Variants in CSMD1 observed in about 807,000 individuals in gnomAD.
The protein encoded by CSMD1 is CUB and Sushi multiple domains 1.
A neutral mutation model predicts 417.5 loss-of-function variants in CSMD1; 213 were observed. That is an observed-to-expected ratio of 0.51 (90% CI 0.46 to 0.57). The LOEUF (loss-of-function observed/expected upper bound fraction) is 0.57, where lower values mean the gene tolerates loss of function less well. Ranked by LOEUF, CSMD1 falls within the 20% of genes least tolerant of loss-of-function variation. CSMD1 has a pLI of 0.00. For missense variants in CSMD1, 6,923 were observed against 4,529.7 expected (o/e 1.53, Z -15.17); for synonymous variants, 2,862 against 1,736.8 (o/e 1.65, Z -16.11).
At chr8:3,286,413 C>T (rs906160700) in intron 25 of CSMD1, among the ~76,000 whole-genome samples, 6 of 152,258 alleles carry the variant, frequency 3.9e-5, no homozygotes, top group Admixed American at 3.3e-4. Flanking sequence ...CTGACTTCCA[C>T]AATGGTTGAA....
At chr8:4,242,495 A>G (rs910553023) in intron 3 of CSMD1, among the ~76,000 whole-genome samples, 2 of 152,216 alleles carry the variant, frequency 1.3e-5, no homozygotes, top group African/African-American at 4.8e-5. Flanking sequence ...CCTGAGAGCA[A>G]TTTTCATATT....
chr8:4,266,676 A>C lies in CSMD1; in HGVS notation c.415+153277T>G, dbSNP rs1230452221. On this transcript the variant is annotated intron_variant, in intron 3 of 69. Transcript: ENST00000635120. ...TATGAACATTGATATAACTTGAAAAATACATTATCAAAGAATTATACTTAG... is the reference window on the plus strand; with the variant it reads ...TATGAACATTGATATAACTTGAAAACTACATTATCAAAGAATTATACTTAG... Among the ~76,000 whole-genome samples, 2 of 104,890 alleles carry C rather than the reference A, an allele frequency of 1.9e-5. 1 individual carries two copies. The highest frequency in any genetic ancestry group is 5.1e-5 in the Non-Finnish European group (2 of 38,882). The allele number at this position is 104,890 out of a possible 152,430, so 68.8% of individuals were successfully genotyped here. A position where few individuals can be genotyped will look rare whatever the true frequency, so the allele number is the denominator to read the frequency against.
chr8:3,294,123 A>G (rs1305980993), intron 25 of CSMD1, among the ~76,000 whole-genome samples: 1 of 152,210 alleles, frequency 6.6e-6, no homozygotes, highest in African/African-American at 2.4e-5. Context: ...TATCAGCAGC[A>G]GAGACTGCAG....
chr8:4,028,544 G>A (rs369611456), intron 4 of CSMD1, among the ~76,000 whole-genome samples: 1 of 152,120 alleles, frequency 6.6e-6, no homozygotes, highest in Non-Finnish European at 1.5e-5. Flanking sequence ...AACTAGCGAA[G>A]GATAAAATAA....
chr8:3,928,015 T>G (rs965216735), intron 5 of CSMD1, among the ~76,000 whole-genome samples: 1 of 152,196 alleles, frequency 6.6e-6, no homozygotes, highest in Non-Finnish European at 1.5e-5. Context: ...TATTATCTTT[T>G]CTAATTGATG....
At chr8:3,281,386 G>A (rs1252207277) in intron 26 of CSMD1, among the ~76,000 whole-genome samples, 1 of 152,166 alleles carries the variant, frequency 6.6e-6, no homozygotes, top group African/African-American at 2.4e-5. Context: ...AGAGGCTCCA[G>A]TGAGCCAAGA....
chr8:4,994,305 C>T (rs750046859), intron 1 of CSMD1, 27 bp downstream of exon 1: 1 of 1,603,310 alleles, frequency 6.2e-7, no homozygotes, highest in Non-Finnish European at 8.5e-7. Context: ...TCTACCGCCT[C>T]CCCGGCCAGG....
intron 26 of CSMD1, among the ~76,000 whole-genome samples, chr8:3,236,401 G>C (rs1341990391): frequency 6.6e-6 from 1 of 152,108 alleles, no homozygotes; most frequent in African/African-American, 2.4e-5. Context: ...CCTAGAGTTA[G>C]CCAGATTGGA....
intron 54 of CSMD1, among the ~76,000 whole-genome samples, chr8:2,991,434 T>C (rs17078985): frequency 0.044 from 6,704 of 152,244 alleles, 488 homozygotes; most frequent in African/African-American, 0.15. Context: ...AAAGTTTATA[T>C]TCATCAAAAT....
chr8:4,450,172 G>C (rs746817666), intron 2 of CSMD1, among the ~76,000 whole-genome samples: 2 of 152,162 alleles, frequency 1.3e-5, no homozygotes, highest in Non-Finnish European at 2.9e-5. Context: ...TATACGTAGA[G>C]TAAAACCGAA....
At chr8:3,579,541 G>A (rs1409124988) in intron 9 of CSMD1, among the ~76,000 whole-genome samples, 1 of 152,016 alleles carries the variant, frequency 6.6e-6, no homozygotes, top group Non-Finnish European at 1.5e-5. Flanking sequence ...TTTCTCATAT[G>A]TTTTTAGGAG....
chr8:4,962,241 C>G (rs1409143497), intron 1 of CSMD1, among the ~76,000 whole-genome samples: 1 of 151,476 alleles, frequency 6.6e-6, no homozygotes, highest in Non-Finnish European at 1.5e-5. Flanking sequence ...GACAGAGACT[C>G]ACTCTGTCAC....
intron 2 of CSMD1, among the ~76,000 whole-genome samples, chr8:4,447,053 C>T (rs1798853652): frequency 6.6e-6 from 1 of 151,998 alleles, no homozygotes; most frequent in Non-Finnish European, 1.5e-5. Flanking sequence ...CAGCCTGTGT[C>T]AGGTCTGCGA....
chr8:4,890,547 T>C lies in CSMD1; in HGVS notation c.85+103785A>G, dbSNP rs571723806. Among the ~76,000 whole-genome samples, 3 of 146,518 alleles carry C rather than the reference T, an allele frequency of 2.0e-5. No individual in the cohort carries two copies. The East Asian group carries it at 6.1e-4, about 30-fold the overall frequency. The stretch of plus-strand genomic sequence containing the variant: ...GCGTGACTCTGACACCCTCCTCTCC[T>C]TCAGGTCCTCACAGTCATGGGCATC... On this transcript the variant is annotated intron_variant, in intron 1 of 69. Transcript: ENST00000635120.
Position 3,267,331 on chromosome 8 carries a change from C to T in CSMD1, c.4153+16813G>A, listed in dbSNP as rs143667392. Among the ~76,000 whole-genome samples, 18 of 152,326 alleles carry T rather than the reference C, an allele frequency of 1.2e-4. No individual in the cohort carries two copies. The East Asian group carries it at 3.1e-3, about 26-fold the overall frequency. On this transcript the variant is annotated intron_variant, in intron 26 of 69. Coordinates refer to ENST00000635120, the MANE Select transcript of CSMD1 (RefSeq NM_033225.6). ...CCCACTGGGTCATATCCCACAAGAT[C>T]ATCTATCGCGTACGAAAGGGGTGTT... is the stretch of plus-strand genomic sequence containing the variant.
At chr8:3,735,226 C>A (rs1256676992) in intron 6 of CSMD1, among the ~76,000 whole-genome samples, 1 of 152,170 alleles carries the variant, frequency 6.6e-6, no homozygotes, top group Non-Finnish European at 1.5e-5. Context: ...TAATGGCTTT[C>A]TGTCTGATTT....
At chr8:3,755,154 G>T (rs1290412998) in intron 5 of CSMD1, among the ~76,000 whole-genome samples, 1 of 152,182 alleles carries the variant, frequency 6.6e-6, no homozygotes, top group African/African-American at 2.4e-5. Flanking sequence ...CGTTAGAGGC[G>T]CAAGGGACAC....
chr8:4,413,317 C>T (rs17070173), intron 3 of CSMD1, among the ~76,000 whole-genome samples: 7,420 of 152,220 alleles, frequency 0.049, 403 homozygotes, highest in African/African-American at 0.14. Context: ...CTTTTAACTA[C>T]GCTCGTGGGG....
intron 1 of CSMD1, among the ~76,000 whole-genome samples, chr8:4,743,206 ATAGAGGAGGT>A (rs1810735586): frequency 6.6e-6 from 1 of 152,204 alleles, no homozygotes; most frequent in African/African-American, 2.4e-5. Flanking sequence ...CAAACTTTTG[ATAGAGGAGGT>A]CACATTATTT....
Sources: allele counts gnomAD v4.1 joint callset (sites outside exome capture counted in the v4.1 genomes callset), GRCh38; gene constraint gnomAD v4.1.1; transcripts MANE v1.5; gene names NCBI Gene and HGNC (gene_info 2026-07-23, HGNC 2026-07-21).